Variants in SLC19A2 observed in about 807,000 individuals in gnomAD.
The protein encoded by SLC19A2 is thiamine transporter 1.
SLC19A2 carries 27 observed loss-of-function variants against 44.7 expected under a neutral mutation model. That is an observed-to-expected ratio of 0.60 (90% CI 0.45 to 0.83). The LOEUF (loss-of-function observed/expected upper bound fraction) is 0.83, where lower values mean the gene tolerates loss of function less well. SLC19A2 is among the 40% of genes least tolerant of loss of function. The pLI is 0.00. For synonymous variants in SLC19A2, 239 were observed against 243.6 expected, an observed-to-expected ratio of 0.98 and a Z score of 0.18; for missense variants, 566 against 613.7, an observed-to-expected ratio of 0.92 and a Z score of 0.82.
chr1:169,464,034 A>ACAACTTGCACATTGAGTT lies in SLC19A2; in HGVS notation c.*1797_*1814dup, dbSNP rs1372468627. 2 of 152,584 alleles carry ACAACTTGCACATTGAGTT rather than the reference A, an allele frequency of 1.3e-5. No individual in the cohort carries two copies. The highest frequency in any genetic ancestry group is 4.8e-5 in the African/African-American group (2 of 41,448). 9.5% of individuals were successfully genotyped at this position (152,584 alleles called of 1,614,324 possible). On this transcript the variant is annotated 3_prime_UTR_variant, in exon 6 of 6. Transcript: ENST00000236137. ...ACTTATTTACAAAACTGCATACAGT[A>ACAACTTGCACATTGAGTT]CAACTTGCACATTGAGTTCAGCATT... is the stretch of plus-strand genomic sequence containing the variant.
At chr1:169,480,415 C>T (rs937249773) in intron 1 of SLC19A2, among the ~76,000 whole-genome samples, 6 of 151,950 alleles carry the variant, frequency 3.9e-5, no homozygotes, top group African/African-American at 9.7e-5. Flanking sequence ...TGAGTTCAAG[C>T]GATTCTCCTG....
intron 2 of SLC19A2, among the ~76,000 whole-genome samples, chr1:169,471,044 G>A (rs2101775602): frequency 6.9e-6 from 1 of 144,840 alleles, no homozygotes; most frequent in South Asian, 2.2e-4. Flanking sequence ...GCAAGAAAGT[G>A]AGATCCTATC....
intron 1 of SLC19A2, among the ~76,000 whole-genome samples, chr1:169,479,813 G>C (rs1413311635): frequency 6.6e-6 from 1 of 152,166 alleles, no homozygotes; most frequent in African/African-American, 2.4e-5. Flanking sequence ...TACATTCTGA[G>C]ACCAATAGTA....
Position 169,465,653 on chromosome 1 carries a change from C to T in SLC19A2, c.*196G>A, listed in dbSNP as rs1055901285. Reference sequence around the variant, plus strand: ...CTTAAATTAGCTCTCATAAATAATCCATGAAATAAACTTTACTTCTGGCTC... The same window carrying T: ...CTTAAATTAGCTCTCATAAATAATCTATGAAATAAACTTTACTTCTGGCTC... On this transcript the variant is annotated 3_prime_UTR_variant, in exon 6 of 6. Coordinates refer to ENST00000236137, the MANE Select transcript of SLC19A2 (RefSeq NM_006996.3). 1.0e-5 allele frequency: 6 copies of T among 595,980 alleles called. No homozygotes were observed. Among genetic ancestry groups the T allele is most frequent in the African/African-American group, 3.7e-5 (2 of 53,524 alleles). The allele number at this position is 595,980 out of a possible 1,614,324, so 36.9% of individuals were successfully genotyped here.
At chr1:169,477,096 T>C in intron 2 of SLC19A2, 59 bp downstream of exon 2, 1 of 1,606,994 alleles carries the variant, frequency 6.2e-7, no homozygotes, top group South Asian at 1.1e-5. Flanking sequence ...TTGCTGTTTT[T>C]TTCACCACGG....
intron 2 of SLC19A2, among the ~76,000 whole-genome samples, chr1:169,473,881 A>G (rs1658252660): frequency 6.6e-6 from 1 of 151,320 alleles, no homozygotes; most frequent in African/African-American, 2.4e-5. Context: ...TGATAATGAT[A>G]ATAGTAATAA....
intron 5 of SLC19A2, 142 bp from the exon 6 acceptor site, chr1:169,466,119 G>A: frequency 3.3e-6 from 3 of 908,978 alleles, no homozygotes; most frequent in Non-Finnish European, 5.1e-6. Flanking sequence ...ACACAAAGCA[G>A]CATCACAGCA....
chr1:169,469,072 C>A lies in SLC19A2; in HGVS notation c.1031-236G>T, dbSNP rs1658107412. The A allele has an allele frequency of 7.6e-6, 4 of 524,854 alleles. No homozygotes were observed. In the South Asian group the frequency reaches 8.6e-5, roughly 11 times the overall value. 32.5% of individuals were successfully genotyped at this position (524,854 alleles called of 1,614,324 possible). A position where few individuals can be genotyped will look rare whatever the true frequency, so the allele number is the denominator to read the frequency against. On this transcript the variant is annotated intron_variant, in intron 3 of 5. Transcript: ENST00000236137. ...GAGAGGTGGCAATGAGATGAAAATGCAGGACAAAGACACAGGGACATTGCT... is the reference window on the plus strand; with the variant it reads ...GAGAGGTGGCAATGAGATGAAAATGAAGGACAAAGACACAGGGACATTGCT...
intron 3 of SLC19A2, among the ~76,000 whole-genome samples, chr1:169,469,491 C>G (rs1372616976): frequency 6.6e-6 from 1 of 152,162 alleles, no homozygotes; most frequent in African/African-American, 2.4e-5. Flanking sequence ...ATTAACCTAC[C>G]AGTCCCAAGT....
rs572048721 is a variant in SLC19A2, at chr1:169,484,202, T to C, written c.204+1361A>G. Among the ~76,000 whole-genome samples the C allele has an allele frequency of 3.3e-5, 5 of 152,346 alleles. No individual in the cohort carries two copies. The South Asian group carries it at 8.3e-4, about 25-fold the overall frequency. On this transcript the variant is annotated intron_variant, in intron 1 of 5. Coordinates refer to ENST00000236137, the MANE Select transcript of SLC19A2 (RefSeq NM_006996.3). ...AAACCCTCAATACGTAAGTCAATAC[T>C]GATTCTTAATTCTCTCTCAAGTGCC...
intron 1 of SLC19A2, among the ~76,000 whole-genome samples, chr1:169,478,351 G>A (rs1424670848): frequency 7.1e-6 from 1 of 140,530 alleles, no homozygotes; most frequent in African/African-American, 2.6e-5. Context: ...TTTTTTTTTT[G>A]GTTTTGTTTT....
In SLC19A2 at chr1:169,465,669, C is replaced by G. The variant is rs1657969296; in HGVS notation, c.*180G>C. The G allele has an allele frequency of 3.2e-6, 2 of 633,692 alleles. No individual in the cohort carries two copies. The highest frequency in any genetic ancestry group is 5.5e-6 in the Non-Finnish European group (2 of 364,010). The allele number at this position is 633,692 out of a possible 1,614,324, so 39.3% of individuals were successfully genotyped here. On this transcript the variant is annotated 3_prime_UTR_variant, in exon 6 of 6. Transcript: ENST00000236137. ...TAAATAATCCATGAAATAAACTTTACTTCTGGCTCCTCTGAATAGTATCAT... is the reference window on the plus strand; with the variant it reads ...TAAATAATCCATGAAATAAACTTTAGTTCTGGCTCCTCTGAATAGTATCAT...
At chr1:169,470,216 C>G (rs751680545) in intron 2 of SLC19A2, 30 bp from the exon 3 acceptor site, 3 of 1,590,406 alleles carry the variant, frequency 1.9e-6, no homozygotes, top group Non-Finnish European at 2.6e-6. Flanking sequence ...AATGCTCAAA[C>G]TCTGATGAAG....
At position 169,485,901 on chromosome 1, in the gene SLC19A2, GCCTC is replaced by G; in HGVS notation, c.-139_-136del. The G allele has an allele frequency of 2.8e-6, 3 of 1,055,426 alleles. No individual in the cohort carries two copies. Among genetic ancestry groups the G allele is most frequent in the Non-Finnish European group, 4.0e-6 (3 of 752,046 alleles). The allele number at this position is 1,055,426 out of a possible 1,614,324, so 65.4% of individuals were successfully genotyped here. A position where few individuals can be genotyped will look rare whatever the true frequency, so the allele number is the denominator to read the frequency against. The stretch of plus-strand genomic sequence containing the variant: ...GCCAGGACGTTCTGGACTCGCCGCC[GCCTC>G]CGGCTACAGAACCCCCAGCTTTACC... On this transcript the variant is annotated 5_prime_UTR_variant, in exon 1 of 6. Transcript: ENST00000236137.
At chr1:169,467,034 A>G (rs1294561458) in intron 5 of SLC19A2, among the ~76,000 whole-genome samples, 1 of 152,150 alleles carries the variant, frequency 6.6e-6, no homozygotes, top group African/African-American at 2.4e-5. Context: ...AGCACCACCC[A>G]TAAAATCCTA....
intron 1 of SLC19A2, among the ~76,000 whole-genome samples, chr1:169,478,524 T>TA (rs1491562715): frequency 7.0e-3 from 304 of 43,200 alleles, no homozygotes; most frequent in African/African-American, 0.032. Flanking sequence ...AACCAGCTAA[T>TA]TTTTTTTTTT....
intron 2 of SLC19A2, among the ~76,000 whole-genome samples, chr1:169,474,459 C>T (rs931627026): frequency 1.3e-5 from 2 of 152,136 alleles, no homozygotes; most frequent in Non-Finnish European, 2.9e-5. Context: ...GAATCCAGCT[C>T]TGCTTGTAAA....
chr1:169,468,709 A>G lies in SLC19A2; in HGVS notation c.1158T>C (p.Ile386=). ...AVYIMDTVGN[I]WVCYASYVVF... Reference sequence around the variant, plus strand: ...CAACATAGGATGCATAGCACACCCAAATGTTACCCACAGTGTCCATGATAT... The same window carrying G: ...CAACATAGGATGCATAGCACACCCAGATGTTACCCACAGTGTCCATGATAT... Residue 386 remains isoleucine (I), a synonymous_variant, in exon 4 of 6, where the codon ATT becomes ATC. Coordinates refer to ENST00000236137, the MANE Select transcript of SLC19A2 (RefSeq NM_006996.3). The G allele has an allele frequency of 6.2e-7, 1 of 1,613,858 alleles. No homozygotes were observed. The highest frequency in any genetic ancestry group is 1.3e-5 in the African/African-American group (1 of 74,992).
intron 2 of SLC19A2, among the ~76,000 whole-genome samples, chr1:169,473,767 G>A (rs1658250330): frequency 6.6e-6 from 1 of 151,758 alleles, no homozygotes; most frequent in South Asian, 2.1e-4. Context: ...GACCAGGGGT[G>A]ATTAATTCAA....
Sources: allele counts gnomAD v4.1 joint callset (sites outside exome capture counted in the v4.1 genomes callset), GRCh38; gene constraint gnomAD v4.1.1; transcripts MANE v1.5; gene names NCBI Gene and HGNC (gene_info 2026-07-23, HGNC 2026-07-21).